RAB38: variants seen among roughly 807,000 people sequenced by gnomAD.
RAB38 encodes ras-related protein Rab-38.
In RAB38, 15 loss-of-function variants were observed where a neutral mutation model predicts 18.4. The ratio of observed to expected loss-of-function variants is 0.82; its 90% CI spans 0.55 to 1.26. RAB38 has a LOEUF of 1.26. Among genes scored for constraint, RAB38 ranks in the 50% most tolerant of loss-of-function variants. The probability of loss-of-function intolerance (pLI) is 0.00; values close to 1 mark genes in which losing one functional copy is unlikely to be tolerated. For synonymous variants in RAB38, 101 were observed against 104.4 expected (o/e 0.97, Z 0.20); for missense variants, 294 against 267.4 (o/e 1.10, Z -0.69).
chr11:88,092,621 A>G, the RAB38 span, among the ~76,000 whole-genome samples: 40 of 151,982 alleles, frequency 2.6e-4, no homozygotes, highest in Non-Finnish European at 4.4e-4. Context: ...TTTCAATATG[A>G]GATTTAAAGG....
At chr11:87,905,647 G>A in the RAB38 span, among the ~76,000 whole-genome samples, 1 of 151,934 alleles carries the variant, frequency 6.6e-6, no homozygotes, top group Admixed American at 6.6e-5. Context: ...ATTCTGGCTG[G>A]TTGGAACTCA....
the RAB38 span, among the ~76,000 whole-genome samples, chr11:87,808,429 ATTATG>A: frequency 6.6e-6 from 1 of 152,240 alleles, no homozygotes; most frequent in African/African-American, 2.4e-5. Context: ...CCTCAAGGAT[ATTATG>A]TTAGGCTTAG....
the RAB38 span, among the ~76,000 whole-genome samples, chr11:87,954,812 A>G: frequency 6.6e-6 from 1 of 151,846 alleles, no homozygotes; most frequent in Non-Finnish European, 1.5e-5. Context: ...TGCTATACAC[A>G]TTATCTCATT....
the RAB38 span, among the ~76,000 whole-genome samples, chr11:87,910,633 CTT>C: frequency 5.5e-3 from 714 of 130,598 alleles, no homozygotes; most frequent in African/African-American, 7.7e-3. Context: ...AGTTCATTTT[CTT>C]TTTTTTTTTT....
the RAB38 span, among the ~76,000 whole-genome samples, chr11:87,948,258 T>A: frequency 1.3e-5 from 2 of 152,196 alleles, no homozygotes; most frequent in Non-Finnish European, 2.9e-5. Flanking sequence ...ATCCTGAGAC[T>A]TTGCTGAAGT....
the RAB38 span, among the ~76,000 whole-genome samples, chr11:87,901,702 A>C: frequency 3.3e-5 from 5 of 151,626 alleles, no homozygotes; most frequent in African/African-American, 4.8e-5. Context: ...ACATTATTCC[A>C]GAATAATGCA....
chr11:87,917,498 A>ATTGAACT, the RAB38 span, among the ~76,000 whole-genome samples: 1 of 140,584 alleles, frequency 7.1e-6, no homozygotes, highest in Non-Finnish European at 1.5e-5. Context: ...CAGTAGATCT[A>ATTGAACT]TTGAACTTAT....
chr11:88,073,681 G>C, the RAB38 span, among the ~76,000 whole-genome samples: 1 of 151,110 alleles, frequency 6.6e-6, no homozygotes, highest in Non-Finnish European at 1.5e-5. Flanking sequence ...ATGCACAAAG[G>C]AACCAATGAC....
chr11:88,031,127 C>A, the RAB38 span, among the ~76,000 whole-genome samples: 14 of 151,886 alleles, frequency 9.2e-5, no homozygotes, highest in East Asian at 2.3e-3. Flanking sequence ...AAGACAAAAA[C>A]CACATGATTA....
At chr11:88,118,823 T>C (rs1275472647) in intron 2 of RAB38, among the ~76,000 whole-genome samples, 1 of 152,188 alleles carries the variant, frequency 6.6e-6, no homozygotes, top group African/African-American at 2.4e-5. Flanking sequence ...ACAAAGAATT[T>C]TACTAAAAAC....
the RAB38 span, among the ~76,000 whole-genome samples, chr11:87,903,068 C>CT: frequency 1.3e-5 from 2 of 151,056 alleles, no homozygotes; most frequent in Admixed American, 6.6e-5. Context: ...TTATTTATTT[C>CT]TTTTTTTGCC....
the RAB38 span, among the ~76,000 whole-genome samples, chr11:87,951,337 G>A: frequency 4.6e-5 from 7 of 151,732 alleles, no homozygotes; most frequent in African/African-American, 1.7e-4. Context: ...CCATTGGTTC[G>A]AATTTCCTCC....
the RAB38 span, among the ~76,000 whole-genome samples, chr11:88,028,213 C>T: frequency 2.6e-5 from 4 of 152,140 alleles, no homozygotes; most frequent in Non-Finnish European, 4.4e-5. Flanking sequence ...GACATCCACA[C>T]CAAAAACCCA....
At chr11:87,863,197 T>C in the RAB38 span, among the ~76,000 whole-genome samples, 1 of 151,858 alleles carries the variant, frequency 6.6e-6, no homozygotes, top group African/African-American at 2.4e-5. Context: ...ATATCAGTTC[T>C]GCAAAATAAA....
the RAB38 span, among the ~76,000 whole-genome samples, chr11:88,107,034 T>A: frequency 5.3e-5 from 8 of 152,178 alleles, no homozygotes; most frequent in Non-Finnish European, 1.0e-4. Context: ...ACACCAGGAC[T>A]ACACACCATC....
At chr11:87,898,687 A>T in the RAB38 span, among the ~76,000 whole-genome samples, 4 of 151,342 alleles carry the variant, frequency 2.6e-5, no homozygotes, top group Middle Eastern at 3.4e-3. Context: ...AATGCTTATT[A>T]AAAAATTTAA....
the RAB38 span, among the ~76,000 whole-genome samples, chr11:87,920,653 T>G: frequency 1.3e-5 from 2 of 152,024 alleles, no homozygotes; most frequent in African/African-American, 4.8e-5. Flanking sequence ...ATTAGGTCCA[T>G]TTGGTCTAAA....
the RAB38 span, among the ~76,000 whole-genome samples, chr11:87,924,870 T>C: frequency 2.0e-5 from 3 of 151,916 alleles, no homozygotes; most frequent in African/African-American, 2.4e-5. Context: ...TATACAAATG[T>C]GTGTTGTGTG....
At chr11:87,816,687 C>CGT in the RAB38 span, among the ~76,000 whole-genome samples, 3 of 151,804 alleles carry the variant, frequency 2.0e-5, no homozygotes, top group Admixed American at 1.3e-4. Flanking sequence ...TATATACATA[C>CGT]GTGTGTGTGT....
Sources: allele counts gnomAD v4.1 joint callset (sites outside exome capture counted in the v4.1 genomes callset), GRCh38; gene constraint gnomAD v4.1.1; transcripts MANE v1.5; gene names NCBI Gene and HGNC (gene_info 2026-07-23, HGNC 2026-07-21).